The following PCDH15 variants were observed in gnomAD, a reference collection of about 807,000 sequenced individuals.
The protein encoded by PCDH15 is protocadherin related 15, also known as protocadherin-15.
In PCDH15, 129 loss-of-function variants were observed where a neutral mutation model predicts 178.5. The ratio of observed to expected loss-of-function variants is 0.72; its 90% CI spans 0.63 to 0.84. The LOEUF (loss-of-function observed/expected upper bound fraction) is 0.84. Among genes scored for constraint, PCDH15 ranks in the 40% least tolerant of loss-of-function variants. The probability of loss-of-function intolerance (pLI) is 0.00; values close to 1 mark genes in which losing one functional copy is unlikely to be tolerated. For missense variants in PCDH15, 2,230 were observed against 2,099.9 expected, an observed-to-expected ratio of 1.06 and a Z score of -1.21; for synonymous variants, 800 against 732.0, an observed-to-expected ratio of 1.09 and a Z score of -1.50.
chr10:55,437,352 GGT>G (rs1839066183), intron 2 of PCDH15, among the ~76,000 whole-genome samples: 1 of 152,144 alleles, frequency 6.6e-6, no homozygotes, highest in Admixed American at 6.5e-5. Context: ...ACACCCAGAA[GGT>G]TATTCTCCAC....
chr10:54,436,421 T>TA (rs1337737691), intron 3 of PCDH15, among the ~76,000 whole-genome samples: 1 of 151,714 alleles, frequency 6.6e-6, no homozygotes, highest in Non-Finnish European at 1.5e-5. Flanking sequence ...ATGAACAAAA[T>TA]AAAAAAATCT....
chr10:53,848,248 TAA>T (rs991170164), intron 28 of PCDH15, among the ~76,000 whole-genome samples: 1 of 139,774 alleles, frequency 7.2e-6, no homozygotes, highest in African/African-American at 2.6e-5. Context: ...TTCTAGGTTA[TAA>T]AAAAAAAAAG....
chr10:54,112,775 A>AAAT (rs2095049196), intron 15 of PCDH15, among the ~76,000 whole-genome samples: 1 of 152,218 alleles, frequency 6.6e-6, no homozygotes, highest in Non-Finnish European at 1.5e-5. Context: ...ACACAATTTT[A>AAAT]AATAATAATA....
intron 18 of PCDH15, among the ~76,000 whole-genome samples, chr10:54,030,811 A>C (rs2093270760): frequency 6.6e-6 from 1 of 151,214 alleles, no homozygotes; most frequent in Non-Finnish European, 1.5e-5. Flanking sequence ...AAAGGAGTCT[A>C]TTTATGGTAT....
At chr10:54,075,702 T>G (rs368997295) in intron 17 of PCDH15, among the ~76,000 whole-genome samples, 2 of 152,212 alleles carry the variant, frequency 1.3e-5, no homozygotes, top group Non-Finnish European at 2.9e-5. Flanking sequence ...AAGGTCCAAC[T>G]TCATTCGTTT....
intron 2 of PCDH15, among the ~76,000 whole-genome samples, chr10:55,483,884 C>A (rs1024662553): frequency 2.7e-5 from 4 of 149,936 alleles, no homozygotes; most frequent in African/African-American, 9.8e-5. Context: ...TTCACAATAG[C>A]AAAGACATGA....
intron 2 of PCDH15, among the ~76,000 whole-genome samples, chr10:55,348,740 CAG>C (rs1844829719): frequency 6.6e-6 from 1 of 152,130 alleles, no homozygotes; most frequent in African/African-American, 2.4e-5. Flanking sequence ...TGTGCTGAGA[CAG>C]GGTTTTTCTT....
intron 5 of PCDH15, among the ~76,000 whole-genome samples, chr10:54,362,650 G>A (rs1425737744): frequency 4.6e-5 from 7 of 151,930 alleles, no homozygotes; most frequent in East Asian, 3.9e-4. Flanking sequence ...TTATAGAGCC[G>A]TGCGTCTAGA....
chr10:54,884,973 C>T (rs1449816973), intron 3 of PCDH15, among the ~76,000 whole-genome samples: 1 of 151,918 alleles, frequency 6.6e-6, no homozygotes, highest in African/African-American at 2.4e-5. Context: ...CCTTCACTTT[C>T]TTTGCCCTAA....
At chr10:54,827,193 T>C (rs1181397712) in intron 3 of PCDH15, among the ~76,000 whole-genome samples, 3 of 152,144 alleles carry the variant, frequency 2.0e-5, no homozygotes, top group African/African-American at 7.2e-5. Context: ...ACACTAGCAA[T>C]GACATTGATA....
At chr10:54,843,583 T>A (rs1163165972) in intron 3 of PCDH15, among the ~76,000 whole-genome samples, 3 of 151,966 alleles carry the variant, frequency 2.0e-5, no homozygotes, top group Non-Finnish European at 4.4e-5. Flanking sequence ...CTGATAGTTA[T>A]TTAGCTTTTC....
chr10:55,442,500 T>C lies in PCDH15; in HGVS notation c.-156+185125A>G, dbSNP rs1309114582. On this transcript the variant is annotated intron_variant, in intron 2 of 5. Transcript: ENST00000613346. The stretch of plus-strand genomic sequence containing the variant: ...TATATATTATATATATATATATATA[T>C]GTAAGCTGGGGCTTCAGTAACTTAC... 3.7e-5 allele frequency among the ~76,000 whole-genome samples: 5 copies of C among 134,280 alleles called. No homozygotes were observed. In the East Asian group the frequency reaches 9.0e-4, roughly 24 times the overall value. The allele number at this position is 134,280 out of a possible 152,430, so 88.1% of individuals were successfully genotyped here.
chr10:55,428,300 T>C (rs1361646147), intron 2 of PCDH15, among the ~76,000 whole-genome samples: 2 of 152,128 alleles, frequency 1.3e-5, no homozygotes, highest in East Asian at 3.9e-4. Context: ...TTTATCTATT[T>C]CTTCTGTAAT....
At chr10:54,497,241 A>AG (rs2080210252) in intron 3 of PCDH15, among the ~76,000 whole-genome samples, 1 of 142,064 alleles carries the variant, frequency 7.0e-6, no homozygotes, top group African/African-American at 2.7e-5. Flanking sequence ...TTTGTACCAC[A>AG]GGAAAAAAAA....
chr10:54,839,246 A>G (rs542553049), intron 3 of PCDH15, among the ~76,000 whole-genome samples: 146 of 152,294 alleles, frequency 9.6e-4, no homozygotes, highest in African/African-American at 3.4e-3. Context: ...TTAAGGACAC[A>G]GATAAATAGT....
intron 2 of PCDH15, among the ~76,000 whole-genome samples, chr10:54,914,853 C>G (rs1564626623): frequency 6.6e-6 from 1 of 152,174 alleles, no homozygotes; most frequent in Non-Finnish European, 1.5e-5. Flanking sequence ...TATTTGCTCA[C>G]AGATGGTAAG....
chr10:54,302,820 A>G (rs2060221286), intron 8 of PCDH15, among the ~76,000 whole-genome samples: 2 of 152,126 alleles, frequency 1.3e-5, no homozygotes, highest in Admixed American at 1.3e-4. Flanking sequence ...TTACAACTTT[A>G]TTTCAAAATG....
intron 29 of PCDH15, among the ~76,000 whole-genome samples, chr10:53,834,594 G>A (rs1198005684): frequency 6.6e-6 from 1 of 151,590 alleles, no homozygotes; most frequent in Non-Finnish European, 1.5e-5. Context: ...AATTCTAAGG[G>A]AAGGGTATAC....
intron 2 of PCDH15, among the ~76,000 whole-genome samples, chr10:55,476,773 T>A (rs1840070268): frequency 6.6e-6 from 1 of 152,088 alleles, no homozygotes; most frequent in Non-Finnish European, 1.5e-5. Context: ...AGGATTTTCC[T>A]TCCAAGCACT....
Sources: allele counts gnomAD v4.1 joint callset (sites outside exome capture counted in the v4.1 genomes callset), GRCh38; gene constraint gnomAD v4.1.1; transcripts MANE v1.5; gene names NCBI Gene and HGNC (gene_info 2026-07-23, HGNC 2026-07-21).